Variants in ABL2 observed in about 807,000 individuals in gnomAD.
ABL2 encodes the protein tyrosine-protein kinase ABL2.
A neutral mutation model predicts 107.7 loss-of-function variants in ABL2; 49 were observed. The ratio of observed to expected loss-of-function variants is 0.45; its 90% CI spans 0.36 to 0.58. The LOEUF (loss-of-function observed/expected upper bound fraction) is 0.58, where lower values mean the gene tolerates loss of function less well. Ranked by LOEUF, ABL2 falls within the 20% of genes least tolerant of loss-of-function variation. The pLI, the probability that ABL2 is intolerant of heterozygous loss-of-function variation, is 0.00. For missense variants in ABL2, 1,245 were observed against 1,457.0 expected, an observed-to-expected ratio of 0.85 and a Z score of 2.37; for synonymous variants, 549 against 548.6, an observed-to-expected ratio of 1.00 and a Z score of -0.01.
chr1:179,226,041 C>G (rs1663178796), intron 1 of ABL2, among the ~76,000 whole-genome samples: 1 of 64,028 alleles, frequency 1.6e-5, no homozygotes, highest in Non-Finnish European at 2.7e-5. Context: ...GAGACTCCGC[C>G]TCAAAAAAAA....
At chr1:179,160,115 A>G (rs1405383435) in intron 1 of ABL2, among the ~76,000 whole-genome samples, 1 of 152,192 alleles carries the variant, frequency 6.6e-6, no homozygotes, top group African/African-American at 2.4e-5. Context: ...CTCCACCTCA[A>G]GAACCAAAAC....
chr1:179,140,008 T>C (rs1657428789), intron 1 of ABL2, among the ~76,000 whole-genome samples: 1 of 152,196 alleles, frequency 6.6e-6, no homozygotes, highest in Non-Finnish European at 1.5e-5. Context: ...AGACTCCTGA[T>C]TTCCATGCTT....
Position 179,120,259 on chromosome 1 carries a change from C to T in ABL2, c.976G>A (p.Val326Ile). The change falls in exon 6 of 12, where the codon GTA becomes ATA. Residue 326 changes from valine (V) to isoleucine (I), a missense_variant. This residue lies in a region of ABL2 where 320 missense variants were observed against 547.0 expected (regional missense o/e 0.59). Transcript: ENST00000502732. ...VKTLKEDTME[V>I]EEFLKEAAVM... Reference sequence around the variant, plus strand: ...GCAGCTTCTTTCAGGAATTCTTCTACCTCCATGGTATCTTCCTAGAAAAAG... The same window carrying T: ...GCAGCTTCTTTCAGGAATTCTTCTATCTCCATGGTATCTTCCTAGAAAAAG... The T allele has an allele frequency of 1.2e-6, 2 of 1,606,640 alleles. No individual in the cohort carries two copies. The highest frequency in any genetic ancestry group is 1.7e-6 in the Non-Finnish European group (2 of 1,175,922).
chr1:179,219,868 A>G (rs764279098), intron 1 of ABL2, among the ~76,000 whole-genome samples: 1 of 152,266 alleles, frequency 6.6e-6, no homozygotes, highest in South Asian at 2.1e-4. Context: ...TAGGTTTACA[A>G]AACATTTTCA....
At chr1:179,179,325 T>C (rs959147133) in intron 1 of ABL2, among the ~76,000 whole-genome samples, 2 of 152,166 alleles carry the variant, frequency 1.3e-5, no homozygotes. Flanking sequence ...GAATACTGAT[T>C]ATTTCACAAG....
chr1:179,213,417 C>A (rs1235031468), intron 1 of ABL2, among the ~76,000 whole-genome samples: 1 of 152,064 alleles, frequency 6.6e-6, no homozygotes, highest in Non-Finnish European at 1.5e-5. Context: ...TATCCTCCCG[C>A]CTCTGCCTCC....
chr1:179,225,258 A>T (rs1663126257), intron 1 of ABL2, among the ~76,000 whole-genome samples: 1 of 152,230 alleles, frequency 6.6e-6, no homozygotes, highest in Non-Finnish European at 1.5e-5. Flanking sequence ...GACTCTGATA[A>T]ACCATTTCCA....
chr1:179,173,381 T>G (rs2102778946), intron 1 of ABL2, among the ~76,000 whole-genome samples: 1 of 101,628 alleles, frequency 9.8e-6, no homozygotes, highest in Admixed American at 1.1e-4. Context: ...TTTTTTTTTT[T>G]GAGACGGAAT....
chr1:179,229,518 T>A lies in ABL2; in HGVS notation c.-121A>T, dbSNP rs2306941. 9.0e-7 allele frequency: 1 copy of A among 1,115,320 alleles called. No individual in the cohort carries two copies. Among genetic ancestry groups the A allele is most frequent in the Non-Finnish European group, 1.2e-6 (1 of 850,542 alleles). 69.1% of individuals were successfully genotyped at this position (1,115,320 alleles called of 1,614,324 possible). On this transcript the variant is annotated 5_prime_UTR_variant, in exon 1 of 12. Transcript: ENST00000502732. ...TCCCAGCCCAGGCCCTGGCCCTGAG[T>A]GGCTGGGCCACCGGCGGCTCCGCAC...
chr1:179,122,951 C>T (rs1018038228), intron 4 of ABL2, among the ~76,000 whole-genome samples: 2 of 152,114 alleles, frequency 1.3e-5, no homozygotes, highest in Non-Finnish European at 2.9e-5. Flanking sequence ...TGAACTACCA[C>T]GCCCGGCCAG....
At chr1:179,197,991 T>C (rs964265375) in intron 1 of ABL2, among the ~76,000 whole-genome samples, 8 of 151,692 alleles carry the variant, frequency 5.3e-5, no homozygotes, top group Admixed American at 2.0e-4. Flanking sequence ...CTGGGAAACA[T>C]GGTGAAACCA....
intron 1 of ABL2, among the ~76,000 whole-genome samples, chr1:179,163,599 T>C (rs1484586552): frequency 2.0e-5 from 3 of 151,944 alleles, no homozygotes; most frequent in African/African-American, 7.3e-5. Flanking sequence ...ATACAAAAAT[T>C]AGCTGGGCAT....
intron 1 of ABL2, chr1:179,221,632 TA>T: frequency 5.3e-6 from 1 of 190,214 alleles, no homozygotes; most frequent in East Asian, 1.4e-4. Context: ...TTCAGGTGGG[TA>T]ACTGAGTTTT....
intron 2 of ABL2, among the ~76,000 whole-genome samples, chr1:179,131,814 T>G (rs974747486): frequency 2.0e-5 from 3 of 152,216 alleles, no homozygotes; most frequent in African/African-American, 7.2e-5. Flanking sequence ...AGAGAAATGG[T>G]TACTAGCTTT....
At chr1:179,109,757 T>C (rs890051907) in intron 11 of ABL2, among the ~76,000 whole-genome samples, 1 of 151,920 alleles carries the variant, frequency 6.6e-6, no homozygotes, top group Non-Finnish European at 1.5e-5. Context: ...TGAAACCCCA[T>C]CTCTACTAAA....
At position 179,104,792 on chromosome 1, in the gene ABL2, A is replaced by G. The variant is rs975843113; in HGVS notation, c.*2926T>C. 7 of 218,616 alleles carry G rather than the reference A, an allele frequency of 3.2e-5. No homozygotes were observed. The highest frequency in any genetic ancestry group is 6.4e-5 in the Non-Finnish European group (7 of 109,028). The allele number at this position is 218,616 out of a possible 1,614,324, so 13.5% of individuals were successfully genotyped here. A position where few individuals can be genotyped will look rare whatever the true frequency, so the allele number is the denominator to read the frequency against. ...AGCCCAAAGGCATGCATCCAGATAT[A>G]CAGCATAACCACTTTAGAAAACTGT... is the stretch of plus-strand genomic sequence containing the variant. On this transcript the variant is annotated 3_prime_UTR_variant, in exon 12 of 12. Coordinates refer to ENST00000502732, the MANE Select transcript of ABL2 (RefSeq NM_007314.4).
intron 1 of ABL2, among the ~76,000 whole-genome samples, chr1:179,180,335 A>T (rs1660300345): frequency 6.8e-6 from 1 of 147,776 alleles, no homozygotes; most frequent in South Asian, 2.1e-4. Flanking sequence ...AAAAGCTGGT[A>T]AGCAAGGAAG....
At chr1:179,166,394 TAA>T (rs200116537) in intron 1 of ABL2, among the ~76,000 whole-genome samples, 14,498 of 108,760 alleles carry the variant, frequency 0.13, 722 homozygotes, top group Admixed American at 0.18. Flanking sequence ...AACTCAATAC[TAA>T]AAAAAAAAAA....
chr1:179,166,726 G>A (rs1163716525), intron 1 of ABL2, among the ~76,000 whole-genome samples: 4 of 144,854 alleles, frequency 2.8e-5, no homozygotes, highest in African/African-American at 7.6e-5. Flanking sequence ...GCAGGGAGCC[G>A]AGATCACATC....
Sources: allele counts gnomAD v4.1 joint callset (sites outside exome capture counted in the v4.1 genomes callset), GRCh38; gene constraint gnomAD v4.1.1; regional missense constraint gnomAD v4.1.1; transcripts MANE v1.5; gene names NCBI Gene and HGNC (gene_info 2026-07-23, HGNC 2026-07-21).